Variants in ZNF503 observed in about 807,000 individuals in gnomAD.
The protein encoded by ZNF503 is NocA-like zinc finger 2.
A neutral mutation model predicts 34.4 loss-of-function variants in ZNF503; 15 were observed. The observed-to-expected ratio is 0.44, with a 90% CI of 0.29 to 0.67. The LOEUF is 0.67. ZNF503 is among the 30% of genes least tolerant of loss of function. The probability of loss-of-function intolerance (pLI) is 0.13; values close to 1 mark genes in which losing one functional copy is unlikely to be tolerated. For synonymous variants in ZNF503, 580 were observed against 456.8 expected (o/e 1.27, Z -3.44); for missense variants, 1,007 against 926.8 (o/e 1.09, Z -1.12).
chr10:75,399,296 C>A lies in ZNF503; in HGVS notation c.1394G>T (p.Gly465Val). The change falls in exon 2 of 2, where the codon GGA (glycine) becomes GTA (valine). Residue 465 changes from glycine (G) to valine (V), a missense_variant. By Grantham distance (109) the Gly-to-Val change is moderately radical. Transcript: ENST00000372524. ...GTGCGTGGGGTACACCAGCGGGTAT[C>A]CGGACTTCAGCGCCGCAGCCGCAGC... is the stretch of plus-strand genomic sequence containing the variant. ...PAAAAAALKS[G>V]YPLVYPTHPL... 2 of 1,601,984 alleles carry A rather than the reference C, an allele frequency of 1.2e-6. No homozygotes were observed. The highest frequency in any genetic ancestry group is 2.3e-5 in the East Asian group (1 of 44,340).
chr10:75,360,126 T>C, the ZNF503 span, among the ~76,000 whole-genome samples: 4 of 145,880 alleles, frequency 2.7e-5, no homozygotes, highest in Admixed American at 6.8e-5. Context: ...TTTTTTTTTT[T>C]TTTTTTTTTT....
chr10:75,386,369 TGA>T, the ZNF503 span, among the ~76,000 whole-genome samples: 1 of 152,194 alleles, frequency 6.6e-6, no homozygotes, highest in Non-Finnish European at 1.5e-5. Context: ...GACCATTACC[TGA>T]GAGAGAAATG....
At chr10:75,282,914 G>A in the ZNF503 span, among the ~76,000 whole-genome samples, 4 of 152,234 alleles carry the variant, frequency 2.6e-5, no homozygotes, top group Non-Finnish European at 5.9e-5. Flanking sequence ...TTCCCTCTCT[G>A]GGAGTCACAC....
the ZNF503 span, among the ~76,000 whole-genome samples, chr10:75,389,311 C>T: frequency 6.6e-6 from 1 of 152,190 alleles, no homozygotes; most frequent in East Asian, 1.9e-4. Flanking sequence ...TCCTTACTCC[C>T]TCTAGTTTCC....
At chr10:75,335,283 A>G in the ZNF503 span, among the ~76,000 whole-genome samples, 3 of 152,210 alleles carry the variant, frequency 2.0e-5, no homozygotes, top group Non-Finnish European at 2.9e-5. Flanking sequence ...GTTTGCTATC[A>G]TTATTTTTAT....
Position 75,398,580 on chromosome 10 carries a change from T to G in ZNF503, c.*169A>C. On this transcript the variant is annotated 3_prime_UTR_variant, in exon 2 of 2. Transcript: ENST00000372524. ...GGGAGAAGGGGAGTGTCCCACCGGG[T>G]CTCGGTCGCTGCTGTCGGGTAGATA... 2 of 502,392 alleles carry G rather than the reference T, an allele frequency of 4.0e-6. No individual in the cohort carries two copies. Among genetic ancestry groups the G allele is most frequent in the Admixed American group, 8.8e-5 (2 of 22,804 alleles). 31.1% of individuals were successfully genotyped at this position (502,392 alleles called of 1,614,324 possible).
At chr10:75,384,232 G>A in the ZNF503 span, among the ~76,000 whole-genome samples, 2 of 151,918 alleles carry the variant, frequency 1.3e-5, no homozygotes, top group Non-Finnish European at 2.9e-5. Flanking sequence ...CCTCCCTCCT[G>A]GTGATGGTGC....
In ZNF503 at chr10:75,399,155, A is replaced by T; in HGVS notation, c.1535T>A (p.Leu512His). ...PYGFMLPNDP[L>H]PHICNWVSAN... ...CGACACCCAGTTGCAGATGTGGGGG[A>T]GTGGGTCGTTAGGGAGCATAAAGCC... Residue 512 changes from leucine to histidine, a missense_variant, in exon 2 of 2, where the codon CTC (leucine) becomes CAC (histidine). Transcript: ENST00000372524. The T allele has an allele frequency of 6.2e-7, 1 of 1,612,452 alleles. No homozygotes were observed. The highest frequency in any genetic ancestry group is 8.5e-7 in the Non-Finnish European group (1 of 1,179,318).
At chr10:75,383,474 C>T in the ZNF503 span, among the ~76,000 whole-genome samples, 1 of 152,146 alleles carries the variant, frequency 6.6e-6, no homozygotes. Context: ...GTCATCCCAC[C>T]AGAACATGTC....
downstream of ZNF503, among the ~76,000 whole-genome samples, chr10:75,393,836 G>A (rs1278374708): frequency 6.6e-6 from 1 of 151,992 alleles, no homozygotes; most frequent in East Asian, 1.9e-4. Context: ...TCCAGCCTGG[G>A]TGACAGAGCG....
chr10:75,324,363 C>T, the ZNF503 span, among the ~76,000 whole-genome samples: 1 of 151,716 alleles, frequency 6.6e-6, no homozygotes, highest in Non-Finnish European at 1.5e-5. Context: ...CTCTATCACC[C>T]AGGCAACCAG....
the ZNF503 span, among the ~76,000 whole-genome samples, chr10:75,306,785 G>C: frequency 2.0e-5 from 3 of 151,992 alleles, no homozygotes; most frequent in African/African-American, 7.2e-5. Context: ...ATCTGTTATG[G>C]CGATCTGTGA....
chr10:75,356,232 T>C, the ZNF503 span, among the ~76,000 whole-genome samples: 1 of 152,226 alleles, frequency 6.6e-6, no homozygotes, highest in Non-Finnish European at 1.5e-5. Context: ...TATTTATTTT[T>C]TTGAGATGGA....
the ZNF503 span, among the ~76,000 whole-genome samples, chr10:75,291,586 G>A: frequency 1.3e-5 from 2 of 152,128 alleles, no homozygotes; most frequent in African/African-American, 2.4e-5. Flanking sequence ...ATTCCAGCCT[G>A]GGCAACACAG....
chr10:75,335,647 C>T, the ZNF503 span, among the ~76,000 whole-genome samples: 2 of 152,154 alleles, frequency 1.3e-5, no homozygotes, highest in African/African-American at 4.8e-5. Context: ...TGAGCATTTC[C>T]TTGTAGCAAG....
At chr10:75,357,312 G>T in the ZNF503 span, among the ~76,000 whole-genome samples, 1 of 151,136 alleles carries the variant, frequency 6.6e-6, no homozygotes. Context: ...GAGCCTAGGA[G>T]TTCAAGATTA....
At chr10:75,296,853 C>T in the ZNF503 span, among the ~76,000 whole-genome samples, 2 of 152,110 alleles carry the variant, frequency 1.3e-5, no homozygotes, top group Non-Finnish European at 2.9e-5. Flanking sequence ...GGCCCATGAA[C>T]TCAGAGGAGA....
At chr10:75,320,882 T>C in the ZNF503 span, among the ~76,000 whole-genome samples, 115,266 of 152,072 alleles carry the variant, frequency 0.76, 44,358 homozygotes, top group African/African-American at 0.86. Context: ...AAATTTCGCA[T>C]TCATTCATGG....
At chr10:75,364,528 T>C in the ZNF503 span, among the ~76,000 whole-genome samples, 1 of 151,996 alleles carries the variant, frequency 6.6e-6, no homozygotes, top group South Asian at 2.1e-4. Flanking sequence ...TAATCTGAAA[T>C]ACACAAGTCT....
Sources: allele counts gnomAD v4.1 joint callset (sites outside exome capture counted in the v4.1 genomes callset), GRCh38; gene constraint gnomAD v4.1.1; transcripts MANE v1.5; gene names NCBI Gene and HGNC (gene_info 2026-07-23, HGNC 2026-07-21).